The following DNMT3A variants were observed in gnomAD, a reference collection of about 807,000 sequenced individuals.
DNMT3A encodes the protein DNA methyltransferase 3 alpha, also known as DNA (cytosine-5)-methyltransferase 3A.
In DNMT3A, 267 loss-of-function variants were observed where a neutral mutation model predicts 117.6. The ratio of observed to expected loss-of-function variants is 2.27; its 90% CI spans 2.05 to 2.51. The LOEUF (loss-of-function observed/expected upper bound fraction) is 2.51, where lower values mean the gene tolerates loss of function less well. Among genes scored for constraint, DNMT3A ranks in the 30% most tolerant of loss-of-function variants. The pLI is 0.00. For synonymous variants in DNMT3A, 432 were observed against 474.8 expected (o/e 0.91, Z 1.17); for missense variants, 1,029 against 1,260.2 (o/e 0.82, Z 2.78).
intron 1 of DNMT3A, among the ~76,000 whole-genome samples, chr2:25,332,097 C>T (rs6713377): frequency 0.41 from 62,706 of 152,064 alleles, 13,143 homozygotes; most frequent in Non-Finnish European, 0.43. Flanking sequence ...GCCTTCCACC[C>T]GGGCTCCCTG....
chr2:25,285,841 GA>G (rs1285580125), intron 3 of DNMT3A, among the ~76,000 whole-genome samples: 2 of 152,314 alleles, frequency 1.3e-5, no homozygotes, highest in African/African-American at 4.8e-5. Flanking sequence ...GCTCAGTCAT[GA>G]GCCCCAGCAG....
At chr2:25,273,860 G>A (rs13385053) in intron 6 of DNMT3A, among the ~76,000 whole-genome samples, 294 of 152,240 alleles carry the variant, frequency 1.9e-3, no homozygotes, top group African/African-American at 6.9e-3. Flanking sequence ...CCCAGACACC[G>A]CTCTGTACTG....
Position 25,246,764 on chromosome 2 carries a change from G to C in DNMT3A, c.1135C>G (p.Arg379Gly). ...IYEVLQVASSRAGKLFPVCHD... is the reference protein window; with the variant it reads ...IYEVLQVASSGAGKLFPVCHD... ...CACACCGGGAACAGCTTCCCCGCGC[G>C]GCTGCTGGCCACCTGGAGGGTGACA... Residue 379 changes from arginine (R) to glycine (G), a missense_variant, in exon 10 of 23, where the codon CGC (arginine) becomes GGC (glycine). Arg to Gly is a moderately radical substitution (Grantham distance 125). Transcript: ENST00000321117. 6.2e-7 allele frequency: 1 copy of C among 1,613,494 alleles called. No individual in the cohort carries two copies. Among genetic ancestry groups the C allele is most frequent in the Non-Finnish European group, 8.5e-7 (1 of 1,179,972 alleles).
chr2:25,240,816 A>G (rs898993002), intron 17 of DNMT3A, 86 bp from the exon 18 acceptor site: 59 of 1,389,548 alleles, frequency 4.2e-5, no homozygotes, highest in Non-Finnish European at 6.0e-5. Context: ...TGAACTTGGC[A>G]AAGAAGTCCT....
rs1179101256 is a variant in DNMT3A, at chr2:25,230,961, C to A, written c.*3318G>T. On this transcript the variant is annotated 3_prime_UTR_variant, in exon 23 of 23. Transcript: ENST00000321117. ...GGCCCACAGGAATCCCCCAGGCTTGCCATGCCCTTGGCTACCAAGTCTCTT... is the reference window on the plus strand; with the variant it reads ...GGCCCACAGGAATCCCCCAGGCTTGACATGCCCTTGGCTACCAAGTCTCTT... The A allele has an allele frequency of 6.6e-6, 1 of 152,324 alleles. No individual in the cohort carries two copies. The highest frequency in any genetic ancestry group is 1.5e-5 in the Non-Finnish European group (1 of 68,134). The allele number at this position is 152,324 out of a possible 1,614,324, so 9.4% of individuals were successfully genotyped here. A position where few individuals can be genotyped will look rare whatever the true frequency, so the allele number is the denominator to read the frequency against.
rs1254915737 is a variant in DNMT3A at position 25,237,848 on chromosome 2, G to C, written c.2409-843C>G. ...GACATTAAATATGTCACTTCTCAGG[G>C]TGCAGGCCACATAACTGACTGGCTG... On this transcript the variant is annotated intron_variant, in intron 20 of 22. Transcript: ENST00000321117. The surrounding 1 kb of genome is among the most constrained non-coding windows in gnomAD (Gnocchi z 5.4). 6.6e-6 allele frequency among the ~76,000 whole-genome samples: 1 copy of C among 152,078 alleles called. No homozygotes were observed. The highest frequency in any genetic ancestry group is 1.5e-5 in the Non-Finnish European group (1 of 68,022).
At chr2:25,313,280 T>A (rs145815485) in intron 2 of DNMT3A, among the ~76,000 whole-genome samples, 88 of 148,142 alleles carry the variant, frequency 5.9e-4, no homozygotes, top group Middle Eastern at 3.5e-3. Context: ...AACTAGATTC[T>A]GAAAACATGG....
intron 1 of DNMT3A, among the ~76,000 whole-genome samples, chr2:25,324,976 C>T (rs1360164782): frequency 6.6e-6 from 1 of 152,080 alleles, no homozygotes; most frequent in Non-Finnish European, 1.5e-5. Context: ...ACACCACTCT[C>T]GAGGCCATGG....
At chr2:25,320,050 G>A (rs34350568) in intron 1 of DNMT3A, among the ~76,000 whole-genome samples, 5,582 of 152,304 alleles carry the variant, frequency 0.037, 144 homozygotes, top group South Asian at 0.083. Flanking sequence ...GATTAGAGGC[G>A]TGAGCCACTG....
At chr2:25,271,457 A>G (rs1573395826) in intron 6 of DNMT3A, among the ~76,000 whole-genome samples, 2 of 152,338 alleles carry the variant, frequency 1.3e-5, no homozygotes, top group East Asian at 3.9e-4. Context: ...CCCATTCTTG[A>G]TACCTGCATC....
chr2:25,327,997 T>C lies in DNMT3A; in HGVS notation c.-178+13829A>G, dbSNP rs759906027. 6.6e-6 allele frequency among the ~76,000 whole-genome samples: 1 copy of C among 152,160 alleles called. No individual in the cohort carries two copies. ...CTCTTGTGTCTGTGGCACAATAACC[T>C]GGTAGATGCCCTGGAGCGGGTCCAC... On this transcript the variant is annotated intron_variant, in intron 1 of 22. Transcript: ENST00000321117. This position sits in a 1 kb window ranked among gnomAD's most constrained non-coding sequence, Gnocchi z 4.1.
chr2:25,245,882 TGCACGAA>T (rs1674687303), intron 12 of DNMT3A, 131 bp downstream of exon 12: 1 of 1,122,960 alleles, frequency 8.9e-7, no homozygotes, highest in Non-Finnish European at 1.3e-6. Context: ...AGACAGACAG[TGCACGAA>T]GCACGGTGAA....
intron 2 of DNMT3A, among the ~76,000 whole-genome samples, chr2:25,302,153 G>A (rs1185830737): frequency 2.0e-5 from 3 of 152,104 alleles, no homozygotes; most frequent in South Asian, 4.1e-4. Flanking sequence ...ATAGGTGGTG[G>A]CCACAGTCAA....
intron 1 of DNMT3A, among the ~76,000 whole-genome samples, chr2:25,330,028 G>C (rs1419264459): frequency 6.6e-6 from 1 of 152,214 alleles, no homozygotes; most frequent in African/African-American, 2.4e-5. Flanking sequence ...TCCTCCAAAA[G>C]CTTGGAAATG....
intron 1 of DNMT3A, among the ~76,000 whole-genome samples, chr2:25,317,796 C>T (rs1022245952): frequency 1.2e-4 from 19 of 152,218 alleles, no homozygotes; most frequent in African/African-American, 3.6e-4. Context: ...AGTGCAATGC[C>T]GCGATCTCGG....
At chr2:25,272,894 C>T (rs1382955547) in intron 6 of DNMT3A, among the ~76,000 whole-genome samples, 3 of 150,058 alleles carry the variant, frequency 2.0e-5, no homozygotes, top group East Asian at 1.9e-4. Context: ...CTCCACCTGT[C>T]GGGTTCAAGC....
intron 6 of DNMT3A, among the ~76,000 whole-genome samples, chr2:25,260,328 G>C (rs1676494444): frequency 6.6e-6 from 1 of 152,190 alleles, no homozygotes; most frequent in South Asian, 2.1e-4. Context: ...TACAAGTACT[G>C]TCCCAGAGCT....
Position 25,236,128 on chromosome 2 carries a change from C to T in DNMT3A, c.2479-303G>A, listed in dbSNP as rs1394093196. On this transcript the variant is annotated intron_variant, in intron 21 of 22. Transcript: ENST00000321117. The surrounding 1 kb of genome is among the most constrained non-coding windows in gnomAD (Gnocchi z 4.5). ...TCACCCAGGCTGGACTGCAGTGGTG[C>T]GATCTCAGCTCACTGTAACCTCCAC... 2.6e-5 allele frequency among the ~76,000 whole-genome samples: 4 copies of T among 151,198 alleles called. No individual in the cohort carries two copies. The highest frequency in any genetic ancestry group is 1.3e-4 in the Admixed American group (2 of 15,198).
chr2:25,314,485 C>T, intron 1 of DNMT3A: 1 of 985,372 alleles, frequency 1.0e-6, no homozygotes, highest in Non-Finnish European at 1.2e-6. Context: ...AAGCTTCCCG[C>T]ATCCTCCCTC....
Sources: allele counts gnomAD v4.1 joint callset (sites outside exome capture counted in the v4.1 genomes callset), GRCh38; gene constraint gnomAD v4.1.1; non-coding constraint Gnocchi (gnomAD v3.1); transcripts MANE v1.5; gene names NCBI Gene and HGNC (gene_info 2026-07-23, HGNC 2026-07-21).